MYLK: variants seen among roughly 807,000 people sequenced by gnomAD.
MYLK encodes the protein myosin light chain kinase.
A neutral mutation model predicts 203.4 loss-of-function variants in MYLK; 106 were observed. The observed-to-expected ratio is 0.52, with a 90% CI of 0.45 to 0.61. The LOEUF is 0.61. Among genes scored for constraint, MYLK ranks in the 20% least tolerant of loss-of-function variants. The pLI is 0.00. For missense variants in MYLK, 2,072 were observed against 2,442.3 expected (o/e 0.85, Z 3.20); for synonymous variants, 867 against 959.5 (o/e 0.90, Z 1.78).
chr3:123,859,957 C>T (rs559380759), intron 2 of MYLK, among the ~76,000 whole-genome samples: 10 of 149,058 alleles, frequency 6.7e-5, no homozygotes, highest in Admixed American at 2.7e-4. Flanking sequence ...TATTTTCAGA[C>T]GCAGTTAGAA....
At chr3:123,858,413 A>G (rs1308958380) in intron 2 of MYLK, among the ~76,000 whole-genome samples, 1 of 152,140 alleles carries the variant, frequency 6.6e-6, no homozygotes, top group Non-Finnish European at 1.5e-5. Context: ...GTTGCTTATA[A>G]CAGAATACCA....
In MYLK at chr3:123,734,175, T is replaced by A; in HGVS notation, c.821A>T (p.Glu274Val). Residue 274 changes from glutamate (E) to valine (V), a missense_variant, in exon 10 of 34, where the codon GAG (glutamate) becomes GTG (valine). Coordinates refer to ENST00000360304, the MANE Select transcript of MYLK (RefSeq NM_053025.4). ...TKATNSDVRKEVTNVISKESK... is the reference protein window; with the variant it reads ...TKATNSDVRKVVTNVISKESK... Reference sequence around the variant, plus strand: ...CTCCTTTGAGATTACATTGGTCACCTCTTTCCTGACATCTGAATTGGTGGC... The same window carrying A: ...CTCCTTTGAGATTACATTGGTCACCACTTTCCTGACATCTGAATTGGTGGC... The A allele has an allele frequency of 6.4e-7, 1 of 1,555,722 alleles. No individual in the cohort carries two copies. Among genetic ancestry groups the A allele is most frequent in the Non-Finnish European group, 8.6e-7 (1 of 1,159,404 alleles).
chr3:123,719,685 C>T (rs1347208270), intron 13 of MYLK, among the ~76,000 whole-genome samples: 3 of 152,226 alleles, frequency 2.0e-5, no homozygotes, highest in Admixed American at 2.0e-4. Context: ...AGGACTCACA[C>T]CCAGGCCGCT....
At chr3:123,632,464 C>T (rs2058473708) in intron 29 of MYLK, among the ~76,000 whole-genome samples, 1 of 152,166 alleles carries the variant, frequency 6.6e-6, no homozygotes, top group African/African-American at 2.4e-5. Context: ...AACTATAATC[C>T]TGCAAAGATA....
At chr3:123,738,023 T>C (rs1214716779) in intron 7 of MYLK, among the ~76,000 whole-genome samples, 1 of 152,000 alleles carries the variant, frequency 6.6e-6, no homozygotes, top group Non-Finnish European at 1.5e-5. Context: ...CCCAACCCCA[T>C]GCCACTGCCT....
At position 123,700,106 on chromosome 3, in the gene MYLK, A is replaced by G; in HGVS notation, c.3362T>C (p.Val1121Ala). The G allele has an allele frequency of 6.2e-7, 1 of 1,613,902 alleles. No homozygotes were observed. Among genetic ancestry groups the G allele is most frequent in the Non-Finnish European group, 8.5e-7 (1 of 1,179,974 alleles). The change falls in exon 18 of 34, where the codon GTG becomes GCG. Residue 1121 changes from valine to alanine, a missense_variant. This residue lies in a region of MYLK where 865 missense variants were observed against 1,016.0 expected (regional missense o/e 0.85). Transcript: ENST00000360304. Reference sequence around the variant, plus strand: ...GATGGTGGCTGGGGGGTCAGAAGACACCTGGCACTGGAGCAGCAGCTTCTT... The same window carrying G: ...GATGGTGGCTGGGGGGTCAGAAGACGCCTGGCACTGGAGCAGCAGCTTCTT... ...EGKKLLLQCQ[V>A]SSDPPATIIW...
In MYLK at chr3:123,795,404, C is replaced by T. The variant is rs531304599; in HGVS notation, c.-3-1560G>A. On this transcript the variant is annotated intron_variant, in intron 3 of 33. Coordinates refer to ENST00000360304, the MANE Select transcript of MYLK (RefSeq NM_053025.4). The stretch of plus-strand genomic sequence containing the variant: ...GCCCGAATTCCTAAAGATTTCCTTA[C>T]AAATGACTCCAAAAGTGGAATTATT... Among the ~76,000 whole-genome samples, 53 of 152,264 alleles carry T rather than the reference C, an allele frequency of 3.5e-4. No homozygotes were observed. The South Asian group carries it at 0.011, about 30-fold the overall frequency.
chr3:123,788,673 A>G (rs2064646951), intron 4 of MYLK, among the ~76,000 whole-genome samples: 1 of 151,924 alleles, frequency 6.6e-6, no homozygotes, highest in African/African-American at 2.4e-5. Context: ...TTATTGGGAG[A>G]CAGATACACT....
At chr3:123,829,455 G>A (rs2066248940) in intron 3 of MYLK, among the ~76,000 whole-genome samples, 1 of 152,140 alleles carries the variant, frequency 6.6e-6, no homozygotes, top group African/African-American at 2.4e-5. Context: ...GTAGGAAGAA[G>A]GGTGGGATAG....
chr3:123,860,521 C>T (rs1344616905), intron 2 of MYLK, among the ~76,000 whole-genome samples: 2 of 152,244 alleles, frequency 1.3e-5, no homozygotes, highest in Middle Eastern at 6.8e-3. Context: ...ATGCAGATTT[C>T]CCAATAAAAG....
chr3:123,874,435 T>C (rs867417389), intron 2 of MYLK, among the ~76,000 whole-genome samples: 2 of 152,260 alleles, frequency 1.3e-5, no homozygotes, highest in South Asian at 2.1e-4. Flanking sequence ...TGGACATTCA[T>C]ATGCACAACA....
intron 3 of MYLK, among the ~76,000 whole-genome samples, chr3:123,815,166 G>A (rs1364334538): frequency 1.3e-5 from 2 of 152,178 alleles, no homozygotes; most frequent in East Asian, 3.9e-4. Context: ...CTGAGTCAGA[G>A]TGCATGGGAT....
At chr3:123,712,168 G>A (rs369634624) in intron 13 of MYLK, among the ~76,000 whole-genome samples, 5 of 152,192 alleles carry the variant, frequency 3.3e-5, no homozygotes, top group South Asian at 2.1e-4. Context: ...ATGGAGGGCC[G>A]CCAGGGGCCT....
rs3085284 is a variant in MYLK, at chr3:123,677,884, A to AATATATATATATATATATATATAT, written c.3652+4316_3652+4339dup. On this transcript the variant is annotated intron_variant, in intron 20 of 33. Coordinates refer to ENST00000360304, the MANE Select transcript of MYLK (RefSeq NM_053025.4). ...CTCTATCTAAATGAATAAATAAATG[A>AATATATATATATATATATATATAT]ATATATATATATATATATATATATA... 4.7e-4 allele frequency among the ~76,000 whole-genome samples: 25 copies of AATATATATATATATATATATATAT among 53,556 alleles called. 1 individual carries two copies. Among genetic ancestry groups the AATATATATATATATATATATATAT allele is most frequent in the Non-Finnish European group, 6.4e-4 (20 of 31,496 alleles). 35.1% of individuals were successfully genotyped at this position (53,556 alleles called of 152,430 possible). A position where few individuals can be genotyped will look rare whatever the true frequency, so the allele number is the denominator to read the frequency against.
rs543819766 is a variant in MYLK at position 123,772,338 on chromosome 3, A to G, written c.166-19800T>C. Among the ~76,000 whole-genome samples the G allele has an allele frequency of 4.6e-5, 7 of 152,298 alleles. No homozygotes were observed. In the East Asian group the frequency reaches 7.7e-4, roughly 17 times the overall value. The stretch of plus-strand genomic sequence containing the variant: ...AACTCTATACATAAGACTTTAGTAT[A>G]CAGTAAAGGTGGCCTCAAACTAATG... On this transcript the variant is annotated intron_variant, in intron 4 of 33. Coordinates refer to ENST00000360304, the MANE Select transcript of MYLK (RefSeq NM_053025.4).
At chr3:123,787,765 C>T (rs1420800272) in intron 4 of MYLK, among the ~76,000 whole-genome samples, 1 of 152,172 alleles carries the variant, frequency 6.6e-6, no homozygotes, top group African/African-American at 2.4e-5. Flanking sequence ...GATTGTAAGC[C>T]TAGCACCAAT....
At chr3:123,876,930 A>G (rs563933618) in intron 1 of MYLK, among the ~76,000 whole-genome samples, 2 of 152,382 alleles carry the variant, frequency 1.3e-5, no homozygotes, top group East Asian at 3.9e-4. Flanking sequence ...TGATAAAAAC[A>G]TACCATAATA....
chr3:123,632,336 C>T (rs150587455), intron 29 of MYLK, among the ~76,000 whole-genome samples: 1 of 152,288 alleles, frequency 6.6e-6, no homozygotes, highest in African/African-American at 2.4e-5. Flanking sequence ...TTACATTTTC[C>T]ACTGGAAACA....
chr3:123,679,315 A>C (rs1045596215), intron 20 of MYLK, among the ~76,000 whole-genome samples: 10 of 151,720 alleles, frequency 6.6e-5, no homozygotes, highest in African/African-American at 1.9e-4. Flanking sequence ...CAAAAAAAAA[A>C]AAAAAAACAA....
Sources: gnomAD v4.1 joint callset for allele counts (sites outside exome capture counted in the v4.1 genomes callset) on GRCh38, gnomAD v4.1.1 for gene constraint, gnomAD v4.1.1 regional missense constraint, MANE v1.5 for transcripts, NCBI Gene and HGNC (gene_info 2026-07-23, HGNC 2026-07-21) for gene names.